Variants in PER2 observed in about 807,000 individuals in gnomAD.
The protein encoded by PER2 is period circadian regulator 2.
A neutral mutation model predicts 121.0 loss-of-function variants in PER2; 66 were observed. The ratio of observed to expected loss-of-function variants is 0.55; its 90% confidence interval spans 0.45 to 0.67. The LOEUF (loss-of-function observed/expected upper bound fraction) is 0.67. Among genes scored for constraint, PER2 ranks in the 30% least tolerant of loss-of-function variants. PER2 has a pLI of 0.00. For synonymous variants in PER2, 684 were observed against 659.9 expected, an observed-to-expected ratio of 1.04 and a Z score of -0.56; for missense variants, 1,521 against 1,635.0, an observed-to-expected ratio of 0.93 and a Z score of 1.20.
rs982707706 is a variant in PER2, at chr2:238,245,594, T to C, written c.*781A>G. The C allele has an allele frequency of 1.3e-5, 5 of 398,530 alleles. No homozygotes were observed. Among genetic ancestry groups the C allele is most frequent in the East Asian group, 3.6e-5 (1 of 28,086 alleles). The allele number at this position is 398,530 out of a possible 1,614,324, so 24.7% of individuals were successfully genotyped here. ...CCATAAAGAGATGACTGATGACATATTTTAATCTCCATATTGGCCATCATG... is the reference window on the plus strand; with the variant it reads ...CCATAAAGAGATGACTGATGACATACTTTAATCTCCATATTGGCCATCATG... On this transcript the variant is annotated 3_prime_UTR_variant, in exon 23 of 23. Transcript: ENST00000254657.
Position 238,249,200 on chromosome 2 carries a change from C to A in PER2, c.3480G>T (p.Ala1160=). 1 of 1,614,032 alleles carries A rather than the reference C, an allele frequency of 6.2e-7. No individual in the cohort carries two copies. The change falls in exon 22 of 23, where the codon GCG becomes GCT. Residue 1160 remains alanine, a synonymous_variant. Coordinates refer to ENST00000254657, the MANE Select transcript of PER2 (RefSeq NM_022817.3). ...GCTTCTCTCTGTCCTCCTTCAAAAC[C>A]GCTTCTAAATTTCTTCGCAAGATAT... ...TYQLPSRNLE[A]VLKEDREKLK...
chr2:238,254,193 G>A (rs918557966), intron 18 of PER2: 1 of 199,734 alleles, frequency 5.0e-6, no homozygotes, highest in African/African-American at 2.4e-5. Flanking sequence ...AACAGCCTGA[G>A]CAAGATCAGA....
At chr2:238,247,482 C>T (rs1370264498) in intron 22 of PER2, 3 of 152,256 alleles carry the variant, frequency 2.0e-5, no homozygotes, top group African/African-American at 7.2e-5. Context: ...CCAGCTAAGC[C>T]GCTCTCAAAT....
intron 22 of PER2, chr2:238,247,327 G>A (rs987653594): frequency 7.2e-5 from 11 of 152,364 alleles, no homozygotes; most frequent in Admixed American, 4.6e-4. Flanking sequence ...CCATGGCAAG[G>A]AGCTGAGGCC....
At position 238,249,023 on chromosome 2, in the gene PER2, T is replaced by C. The variant is rs754363354; in HGVS notation, c.3618+39A>G. ...TACAGAGAATCCCCATCACAGAGCC[T>C]TTTAGGGCCATATCAGAAATCGAGT... On this transcript the variant is annotated intron_variant, in intron 22 of 22. Transcript: ENST00000254657. The C allele has an allele frequency of 9.3e-6, 15 of 1,605,768 alleles. No homozygotes were observed. The Admixed American group carries it at 2.2e-4, about 23-fold the overall frequency.
chr2:238,269,053 G>C, intron 6 of PER2, 79 bp from the exon 7 acceptor site: 1 of 1,122,388 alleles, frequency 8.9e-7, no homozygotes, highest in Non-Finnish European at 1.4e-6. Flanking sequence ...AACAAAAGAG[G>C]AGCAGCAGAA....
At chr2:238,274,231 C>T (rs141108716) in intron 4 of PER2, among the ~76,000 whole-genome samples, 34 of 152,344 alleles carry the variant, frequency 2.2e-4, no homozygotes, top group Admixed American at 3.9e-4. Flanking sequence ...CTCTGGGTGT[C>T]GGTGCTCATG....
chr2:238,266,189 C>T (rs1006484862), intron 8 of PER2, among the ~76,000 whole-genome samples: 8 of 152,196 alleles, frequency 5.3e-5, no homozygotes, highest in Non-Finnish European at 1.0e-4. Flanking sequence ...AGGCGTGAGC[C>T]ACTGCGCCCG....
intron 4 of PER2, among the ~76,000 whole-genome samples, chr2:238,273,935 G>A (rs1696373593): frequency 6.6e-6 from 1 of 152,160 alleles, no homozygotes; most frequent in South Asian, 2.1e-4. Flanking sequence ...CAAAGTGCTG[G>A]GATTACAGGC....
chr2:238,260,048 A>T lies in PER2; in HGVS notation c.1548T>A (p.Ile516=). 1 of 1,420,216 alleles carries T rather than the reference A, an allele frequency of 7.0e-7. No individual in the cohort carries two copies. The highest frequency in any genetic ancestry group is 9.9e-7 in the Non-Finnish European group (1 of 1,011,406). 88.0% of individuals were successfully genotyped at this position (1,420,216 alleles called of 1,614,324 possible). Residue 516 remains isoleucine, a synonymous_variant, in exon 14 of 23, where the codon ATT becomes ATA. Transcript: ENST00000254657. ...HEDSRRRRAE[I]CKNGNKTKNR... The stretch of plus-strand genomic sequence containing the variant: ...TTTTGGTCTTGTTACCATTTTTACA[A>T]ATTTCCTTGAAGAAAAACAAAATGA...
At chr2:238,247,354 A>G (rs906346039) in intron 22 of PER2, 2 of 152,218 alleles carry the variant, frequency 1.3e-5, no homozygotes, top group Admixed American at 6.5e-5. Context: ...AAGAGCCAGC[A>G]GTGTGTGAGA....
intron 22 of PER2, 91 bp from the exon 23 acceptor site, chr2:238,246,615 G>A (rs982643550): frequency 2.1e-5 from 18 of 847,492 alleles, no homozygotes; most frequent in Admixed American, 7.5e-5. Flanking sequence ...GGTGGCTCAC[G>A]CCTGTAATCC....
intron 3 of PER2, 117 bp from the exon 4 acceptor site, chr2:238,276,014 G>A (rs1281407211): frequency 2.7e-6 from 2 of 738,370 alleles, no homozygotes; most frequent in East Asian, 5.1e-5. Flanking sequence ...TGGTCTGGGT[G>A]GCCCTTTGTG....
chr2:238,261,573 C>G (rs1365024103), intron 12 of PER2, 156 bp downstream of exon 12: 9 of 679,810 alleles, frequency 1.3e-5, no homozygotes, highest in Non-Finnish European at 2.2e-5. Context: ...CGGACTAGCA[C>G]AGTCTATGCC....
At position 238,252,829 on chromosome 2, in the gene PER2, G is replaced by T; in HGVS notation, c.3111+83C>A. The T allele has an allele frequency of 8.4e-7, 1 of 1,197,422 alleles. No homozygotes were observed. The highest frequency in any genetic ancestry group is 1.2e-6 in the Non-Finnish European group (1 of 808,470). The allele number at this position is 1,197,422 out of a possible 1,614,324, so 74.2% of individuals were successfully genotyped here. ...GAAACCTCAATCGTGTAACCCCCAT[G>T]TCTGAACTGAGGATGTGCGGCCGGC... On this transcript the variant is annotated intron_variant, in intron 19 of 22. Transcript: ENST00000254657. The surrounding 1 kb of genome is among the most constrained non-coding windows in gnomAD (Gnocchi z 4.2).
chr2:238,263,752 TAGA>T (rs1275353955), intron 9 of PER2, among the ~76,000 whole-genome samples: 1 of 152,094 alleles, frequency 6.6e-6, no homozygotes, highest in African/African-American at 2.4e-5. Flanking sequence ...GCTGCTTGTG[TAGA>T]AGGATTTTCC....
intron 1 of PER2, among the ~76,000 whole-genome samples, chr2:238,279,617 G>A (rs1385861869): frequency 1.3e-5 from 2 of 152,176 alleles, no homozygotes; most frequent in Non-Finnish European, 2.9e-5. Flanking sequence ...TGGAACAAAG[G>A]GAGAGAAGGG....
intron 20 of PER2, 42 bp from the exon 21 acceptor site, chr2:238,250,785 T>A (rs374670124): frequency 5.1e-5 from 71 of 1,398,524 alleles, no homozygotes; most frequent in Non-Finnish European, 7.2e-5. Context: ...CATTGACATA[T>A]GAAATTAAAC....
chr2:238,246,768 T>C (rs1264237241), intron 22 of PER2, among the ~76,000 whole-genome samples: 1 of 152,060 alleles, frequency 6.6e-6, no homozygotes, highest in Non-Finnish European at 1.5e-5. Context: ...CCCAGCTACT[T>C]GGGAGGCTGA....
Sources: allele counts gnomAD v4.1 joint callset (sites outside exome capture counted in the v4.1 genomes callset), GRCh38; gene constraint gnomAD v4.1.1; non-coding constraint Gnocchi (gnomAD v3.1); transcripts MANE v1.5; gene names NCBI Gene and HGNC (gene_info 2026-07-23, HGNC 2026-07-21).